STAG2: variants seen among roughly 807,000 people sequenced by gnomAD.
STAG2 encodes the protein cohesin subunit SA-2.
STAG2 carries 14 observed loss-of-function variants against 108.1 expected under a neutral mutation model. The ratio of observed to expected loss-of-function variants is 0.13; its 90% CI spans 0.09 to 0.20. The LOEUF (loss-of-function observed/expected upper bound fraction) is 0.20. Ranked by LOEUF, STAG2 falls within the 10% of genes least tolerant of loss-of-function variation. The pLI, the probability that STAG2 is intolerant of heterozygous loss-of-function variation, is 1.00. For missense variants in STAG2, 440 were observed against 940.9 expected (o/e 0.47, Z 6.96); for synonymous variants, 307 against 302.7 (o/e 1.01, Z -0.15).
At chrX:124,052,603 T>A (rs1000558523) in intron 13 of STAG2, among the ~76,000 whole-genome samples, 50 of 111,629 alleles carry the variant, frequency 4.5e-4, no homozygotes, top group African/African-American at 1.6e-3. Context: ...AATGTTATTG[T>A]CAGTTATTGT....
chrX:124,066,073 A>G (rs2058515462), intron 21 of STAG2, 102 bp from the exon 22 acceptor site: 1 of 923,451 alleles, frequency 1.1e-6, no homozygotes, highest in East Asian at 3.4e-5. Flanking sequence ...AGTTTACTGC[A>G]TTTACTGCAT....
intron 27 of STAG2, among the ~76,000 whole-genome samples, chrX:124,078,974 A>G (rs2058875840): frequency 9.2e-6 from 1 of 108,380 alleles, no homozygotes; most frequent in Non-Finnish European, 1.9e-5. Context: ...GTCTCAAAAC[A>G]AACAAACAAA....
rs2148225952 is a variant in STAG2, at chrX:124,051,123, A to G, written c.1020A>G (p.Gln340=). The G allele has an allele frequency of 1.1e-6, 1 of 924,347 alleles. No homozygotes were observed. Among genetic ancestry groups the G allele is most frequent in the Non-Finnish European group, 1.5e-6 (1 of 687,805 alleles). The allele number at this position is 924,347 out of a possible 1,213,427, so 76.2% of individuals were successfully genotyped here. A position where few individuals can be genotyped will look rare whatever the true frequency, so the allele number is the denominator to read the frequency against. The change falls in exon 12 of 35, where the codon CAA becomes CAG. Residue 340 remains glutamine, a splice_region_variant and synonymous_variant. Transcript: ENST00000371145. ...TCTTTTTTTTTTTTTTTTTTTAGCA[A>G]GGTGAAGTAAGACTCAAATGTCTTA... ...KYVGWTMHDK[Q]GEVRLKCLTA...
At chrX:124,052,527 C>T (rs1442373923) in intron 13 of STAG2, among the ~76,000 whole-genome samples, 1 of 112,321 alleles carries the variant, frequency 8.9e-6, no homozygotes, top group Non-Finnish European at 1.9e-5. Context: ...CTGAATATTT[C>T]ACTATATGTA....
intron 1 of STAG2, among the ~76,000 whole-genome samples, chrX:123,975,762 C>G (rs903931366): frequency 5.4e-5 from 6 of 112,063 alleles, no homozygotes; most frequent in African/African-American, 9.7e-5. Context: ...CCATGCCCTG[C>G]GGAATATGTA....
At chrX:124,017,544 T>TG (rs1423484218) in intron 1 of STAG2, among the ~76,000 whole-genome samples, 1 of 111,440 alleles carries the variant, frequency 9.0e-6, no homozygotes, top group Non-Finnish European at 1.9e-5. Context: ...GTAATTATTT[T>TG]GGGGGGAAAA....
At chrX:124,031,698 G>A (rs1317376184) in intron 5 of STAG2, among the ~76,000 whole-genome samples, 1 of 106,454 alleles carries the variant, frequency 9.4e-6, no homozygotes, top group South Asian at 4.1e-4. Flanking sequence ...GATTACAGGC[G>A]GAAGCCACCA....
intron 1 of STAG2, among the ~76,000 whole-genome samples, chrX:123,973,051 A>T (rs972992127): frequency 1.9e-5 from 2 of 107,007 alleles, no homozygotes; most frequent in Non-Finnish European, 3.8e-5. Context: ...CCCCACTCAA[A>T]AGAGAAAAAA....
intron 24 of STAG2, 108 bp downstream of exon 24, chrX:124,068,764 T>C: frequency 8.3e-6 from 4 of 484,370 alleles, no homozygotes; most frequent in Non-Finnish European, 1.0e-5. Flanking sequence ...AGAAATATCT[T>C]GTATCTGCCT....
intron 4 of STAG2, among the ~76,000 whole-genome samples, chrX:124,030,092 CCTA>C (rs763876582): frequency 9.0e-6 from 1 of 111,309 alleles, no homozygotes; most frequent in East Asian, 2.8e-4. Flanking sequence ...GATTGATAAA[CCTA>C]CTCCTAATGT....
chrX:123,994,268 A>G (rs1430577588), intron 1 of STAG2, among the ~76,000 whole-genome samples: 2 of 111,669 alleles, frequency 1.8e-5, no homozygotes, highest in Non-Finnish European at 3.8e-5. Context: ...CAGTCTCACC[A>G]GAGTGAGAAC....
chrX:124,085,092 A>G (rs1376735425), intron 29 of STAG2, among the ~76,000 whole-genome samples: 1 of 112,347 alleles, frequency 8.9e-6, no homozygotes, highest in Non-Finnish European at 1.9e-5. Flanking sequence ...TCAACTGAAA[A>G]TGGATCAATA....
At chrX:124,048,778 T>TACTAGCTAAATATTAAAATCC (rs1316402281) in intron 9 of STAG2, among the ~76,000 whole-genome samples, 8 of 112,041 alleles carry the variant, frequency 7.1e-5, no homozygotes, top group Non-Finnish European at 1.3e-4. Flanking sequence ...AAAAAAAATC[T>TACTAGCTAAATATTAAAATCC]ACTAGCTAAA....
chrX:124,068,384 T>G (rs2058591261), intron 23 of STAG2, among the ~76,000 whole-genome samples, 180 bp from the exon 24 acceptor site: 1 of 111,998 alleles, frequency 8.9e-6, no homozygotes, highest in Non-Finnish European at 1.9e-5. Flanking sequence ...GTGAGATTTG[T>G]AAGACAAACC....
chrX:124,065,232 T>C (rs2058490394), intron 20 of STAG2, among the ~76,000 whole-genome samples: 1 of 112,302 alleles, frequency 8.9e-6, no homozygotes, highest in South Asian at 3.6e-4. Flanking sequence ...TTTAATTAAA[T>C]TTAATTACTT....
intron 24 of STAG2, among the ~76,000 whole-genome samples, chrX:124,070,136 G>C (rs937217310): frequency 2.7e-5 from 3 of 111,396 alleles, no homozygotes; most frequent in African/African-American, 9.8e-5. Context: ...ATGTGTCCTG[G>C]TCAGCTCACT....
chrX:124,042,322 T>C (rs1442650342), intron 6 of STAG2, among the ~76,000 whole-genome samples: 2 of 111,692 alleles, frequency 1.8e-5, no homozygotes, highest in African/African-American at 6.5e-5. Flanking sequence ...CAAAGTTAAT[T>C]GTGTTAGGAA....
intron 1 of STAG2, among the ~76,000 whole-genome samples, chrX:123,976,703 C>T (rs1220610921): frequency 9.0e-6 from 1 of 111,702 alleles, no homozygotes; most frequent in Admixed American, 9.6e-5. Flanking sequence ...TACTAGGCTC[C>T]CTAACATTTA....
rs182555942 is a variant in STAG2 at position 124,037,446 on chromosome X, A to G, written c.289-81A>G. On this transcript the variant is annotated intron_variant, in intron 5 of 34. Coordinates refer to ENST00000371145, the MANE Select transcript of STAG2 (RefSeq NM_001042750.2). The stretch of plus-strand genomic sequence containing the variant: ...GTAATGTGATACTATATAATCTTGA[A>G]TTTTATGACTTTATCAGACTTAATT... The G allele has an allele frequency of 3.2e-4, 175 of 540,902 alleles. No individual in the cohort carries two copies. The East Asian group carries it at 6.7e-3, about 21-fold the overall frequency. The allele number at this position is 540,902 out of a possible 1,213,427, so 44.6% of individuals were successfully genotyped here. A position where few individuals can be genotyped will look rare whatever the true frequency, so the allele number is the denominator to read the frequency against.
Sources: allele counts gnomAD v4.1 joint callset (sites outside exome capture counted in the v4.1 genomes callset), GRCh38; gene constraint gnomAD v4.1.1; transcripts MANE v1.5; gene names NCBI Gene and HGNC (gene_info 2026-07-23, HGNC 2026-07-21).